DISC1: variants seen among roughly 807,000 people sequenced by gnomAD.
DISC1 encodes DISC1 scaffold protein.
A neutral mutation model predicts 84.5 loss-of-function variants in DISC1; 57 were observed. The observed-to-expected ratio is 0.67, with a 90% confidence interval of 0.55 to 0.84. The LOEUF (loss-of-function observed/expected upper bound fraction) is 0.84, where lower values mean the gene tolerates loss of function less well. Ranked by LOEUF, DISC1 falls within the 40% of genes least tolerant of loss-of-function variation. DISC1 has a pLI of 0.00. For synonymous variants in DISC1, 411 were observed against 415.2 expected (o/e 0.99, Z 0.12); for missense variants, 1,000 against 1,057.8 (o/e 0.95, Z 0.76).
At chr1:232,022,805 C>T (rs1241788329) in intron 11 of DISC1, among the ~76,000 whole-genome samples, 1 of 152,154 alleles carries the variant, frequency 6.6e-6, no homozygotes, top group African/African-American at 2.4e-5. Flanking sequence ...TCTCTTAAGT[C>T]ATATCTACCC....
chr1:231,950,212 G>C (rs1002779877), intron 9 of DISC1, among the ~76,000 whole-genome samples: 1 of 141,234 alleles, frequency 7.1e-6, no homozygotes, highest in African/African-American at 2.6e-5. Flanking sequence ...TTCTGTGTGT[G>C]TGTGTGTGTG....
intron 9 of DISC1, among the ~76,000 whole-genome samples, chr1:231,877,915 TG>T (rs2086013482): frequency 6.6e-6 from 1 of 152,206 alleles, no homozygotes; most frequent in Admixed American, 6.5e-5. Context: ...GCATGGTAAA[TG>T]GAAATTGAGT....
At position 231,929,046 on chromosome 1, in the gene DISC1, G is replaced by A. The variant is rs566013476; in HGVS notation, c.1982-29782G>A. On this transcript the variant is annotated intron_variant, in intron 9 of 12. Coordinates refer to ENST00000439617, the MANE Select transcript of DISC1 (RefSeq NM_018662.3). ...AATGTATATTCTGTGGATTTGGGGT[G>A]GAGAGTTCTGTAGATGTCTATTGCG... is the stretch of plus-strand genomic sequence containing the variant. Among the ~76,000 whole-genome samples the A allele has an allele frequency of 5.3e-5, 8 of 152,266 alleles. No homozygotes were observed. In the South Asian group the frequency reaches 8.3e-4, roughly 16 times the overall value.
intron 1 of DISC1, among the ~76,000 whole-genome samples, chr1:231,662,904 A>C (rs951685666): frequency 1.5e-4 from 23 of 152,332 alleles, no homozygotes; most frequent in African/African-American, 5.3e-4. Context: ...GAGGGTCAAA[A>C]ATACTGTAAG....
chr1:231,760,360 ATCT>A, intron 4 of DISC1, among the ~76,000 whole-genome samples: 1 of 152,304 alleles, frequency 6.6e-6, no homozygotes, highest in South Asian at 2.1e-4. Context: ...CTTTATCACC[ATCT>A]TCCCAAAGAG....
intron 1 of DISC1, among the ~76,000 whole-genome samples, chr1:231,680,413 C>T (rs1572804186): frequency 6.6e-6 from 1 of 151,444 alleles, no homozygotes; most frequent in East Asian, 1.9e-4. Context: ...AGCACCTGCC[C>T]CCGTGCATAT....
intron 9 of DISC1, among the ~76,000 whole-genome samples, chr1:231,921,808 C>CTTTTTT (rs11288115): frequency 2.5e-5 from 3 of 120,220 alleles, no homozygotes; most frequent in Non-Finnish European, 3.3e-5. Flanking sequence ...CACTAGTTAC[C>CTTTTTT]TTTTTTTTTT....
chr1:231,740,594 T>C (rs2073127674), intron 3 of DISC1, among the ~76,000 whole-genome samples: 1 of 152,168 alleles, frequency 6.6e-6, no homozygotes, highest in African/African-American at 2.4e-5. Flanking sequence ...TTGAGAAGAT[T>C]TTGTATTACA....
chr1:232,005,395 C>T (rs910844399), intron 10 of DISC1, among the ~76,000 whole-genome samples: 13 of 152,140 alleles, frequency 8.5e-5, no homozygotes, highest in African/African-American at 3.1e-4. Flanking sequence ...TCCTAGCTTT[C>T]ACCACTTCTG....
At chr1:231,664,715 C>T (rs768850690) in intron 1 of DISC1, among the ~76,000 whole-genome samples, 2 of 152,062 alleles carry the variant, frequency 1.3e-5, no homozygotes, top group African/African-American at 2.4e-5. Flanking sequence ...TGCTTGAAGC[C>T]ACTAAATTTA....
intron 1 of DISC1, among the ~76,000 whole-genome samples, chr1:231,635,953 TG>T (rs2059159786): frequency 6.6e-6 from 1 of 152,198 alleles, no homozygotes; most frequent in African/African-American, 2.4e-5. Context: ...TCAGAAGGAC[TG>T]GGCACATCGG....
intron 9 of DISC1, among the ~76,000 whole-genome samples, chr1:231,839,961 G>T (rs1359771083): frequency 6.6e-6 from 1 of 152,100 alleles, no homozygotes; most frequent in African/African-American, 2.4e-5. Flanking sequence ...CCTCCCACAA[G>T]GCCCCACCTC....
chr1:231,979,094 C>T (rs925571871), intron 10 of DISC1, among the ~76,000 whole-genome samples: 4 of 152,044 alleles, frequency 2.6e-5, no homozygotes, highest in Middle Eastern at 3.4e-3. Context: ...CTGCACATGC[C>T]GGTGATCCAG....
intron 9 of DISC1, among the ~76,000 whole-genome samples, chr1:231,913,751 C>A (rs978173174): frequency 3.3e-5 from 5 of 152,206 alleles, no homozygotes; most frequent in Non-Finnish European, 7.3e-5. Context: ...ATCACAGCTT[C>A]CTTTGACAAG....
chr1:231,639,723 AG>A (rs1405668126), intron 1 of DISC1, among the ~76,000 whole-genome samples: 72 of 152,296 alleles, frequency 4.7e-4, no homozygotes, highest in African/African-American at 1.7e-3. Flanking sequence ...GTTGTAGTGA[AG>A]GTCCAATGTG....
At chr1:231,875,048 G>A (rs1025824333) in intron 9 of DISC1, among the ~76,000 whole-genome samples, 1 of 152,154 alleles carries the variant, frequency 6.6e-6, no homozygotes, top group African/African-American at 2.4e-5. Flanking sequence ...TCATCAGGAT[G>A]TGGCCATCTG....
Position 232,038,284 on chromosome 1 carries a change from C to T in DISC1, c.*1453C>T, listed in dbSNP as rs1349378324. 5 of 152,176 alleles carry T rather than the reference C, an allele frequency of 3.3e-5. No individual in the cohort carries two copies. The highest frequency in any genetic ancestry group is 4.8e-5 in the African/African-American group (2 of 41,448). The allele number at this position is 152,176 out of a possible 1,614,324, so 9.4% of individuals were successfully genotyped here. A position where few individuals can be genotyped will look rare whatever the true frequency, so the allele number is the denominator to read the frequency against. On this transcript the variant is annotated 3_prime_UTR_variant, in exon 13 of 13. Transcript: ENST00000439617. ...AGTAATGCAAGGGCATTTCAGGCTC[C>T]TGCTGGGCTGCTTCTTTGGCCCAGC...
At position 231,951,728 on chromosome 1, in the gene DISC1, G is replaced by A. The variant is rs189932606; in HGVS notation, c.1982-7100G>A. On this transcript the variant is annotated intron_variant, in intron 9 of 12. Coordinates refer to ENST00000439617, the MANE Select transcript of DISC1 (RefSeq NM_018662.3). ...CGGGCAGCGTGATATTCACCTCTGT[G>A]GCCCCAGTGCCTAACATGGAATCTG... Among the ~76,000 whole-genome samples, 402 of 152,220 alleles carry A rather than the reference G, an allele frequency of 2.6e-3. 3 individuals are homozygous for A. The highest frequency in any genetic ancestry group is 9.0e-3 in the African/African-American group (376 of 41,552).
intron 9 of DISC1, among the ~76,000 whole-genome samples, chr1:231,947,558 A>G (rs1657476711): frequency 6.6e-6 from 1 of 152,254 alleles, no homozygotes; most frequent in Non-Finnish European, 1.5e-5. Context: ...CAAAGACTTC[A>G]TGTCTAAAAC....
Sources: gnomAD v4.1 joint callset for allele counts (sites outside exome capture counted in the v4.1 genomes callset) on GRCh38, gnomAD v4.1.1 for gene constraint, MANE v1.5 for transcripts, NCBI Gene and HGNC (gene_info 2026-07-23, HGNC 2026-07-21) for gene names.